Variants in GRIN2A observed in about 807,000 individuals in gnomAD.
The protein encoded by GRIN2A is glutamate receptor ionotropic, NMDA 2A.
In GRIN2A, 22 loss-of-function variants were observed where a neutral mutation model predicts 113.4. The ratio of observed to expected loss-of-function variants is 0.19; its 90% CI spans 0.14 to 0.28. The LOEUF (loss-of-function observed/expected upper bound fraction) is 0.28, where lower values mean the gene tolerates loss of function less well. GRIN2A is among the 10% of genes least tolerant of loss of function. GRIN2A has a pLI of 1.00. For synonymous variants in GRIN2A, 827 were observed against 738.4 expected (o/e 1.12, Z -1.94); for missense variants, 1,502 against 1,887.0 (o/e 0.80, Z 3.78).
chr16:9,976,931 A>C (rs1181948772), intron 2 of GRIN2A, among the ~76,000 whole-genome samples: 1 of 152,192 alleles, frequency 6.6e-6, no homozygotes, highest in African/African-American at 2.4e-5. Flanking sequence ...AGTTTTCTGC[A>C]TGTGTTCAGT....
intron 3 of GRIN2A, among the ~76,000 whole-genome samples, chr16:9,928,502 G>C (rs78230703): frequency 6.6e-6 from 1 of 152,036 alleles, no homozygotes; most frequent in East Asian, 1.9e-4. Flanking sequence ...ATCGTGTCCA[G>C]AATGAAACAA....
At chr16:10,071,308 G>A (rs2047745883) in intron 2 of GRIN2A, among the ~76,000 whole-genome samples, 1 of 152,158 alleles carries the variant, frequency 6.6e-6, no homozygotes, top group African/African-American at 2.4e-5. Flanking sequence ...CTAGAAGAAT[G>A]TGTCATTGTC....
At position 10,065,178 on chromosome 16, in the gene GRIN2A, G is replaced by A. The variant is rs532949565; in HGVS notation, c.414+114820C>T. The stretch of plus-strand genomic sequence containing the variant: ...TCTGTACTTTATTTTAAGGTACCTC[G>A]CCTGCCTGGCATCAGTTGGGAGAAT... On this transcript the variant is annotated intron_variant, in intron 2 of 12. Transcript: ENST00000330684. Among the ~76,000 whole-genome samples, 9 of 152,226 alleles carry A rather than the reference G, an allele frequency of 5.9e-5. No homozygotes were observed. In the South Asian group the frequency reaches 8.3e-4, roughly 14 times the overall value.
chr16:9,929,148 G>A (rs1489469395), intron 3 of GRIN2A, among the ~76,000 whole-genome samples: 1 of 152,180 alleles, frequency 6.6e-6, no homozygotes, highest in African/African-American at 2.4e-5. Flanking sequence ...GCCCTCCTGA[G>A]TCATCATTCT....
intron 3 of GRIN2A, among the ~76,000 whole-genome samples, chr16:9,902,803 A>G (rs879562212): frequency 7.9e-5 from 12 of 152,012 alleles, no homozygotes; most frequent in Non-Finnish European, 1.6e-4. Flanking sequence ...CTCTTAGTAT[A>G]TGCTGTTCCT....
At chr16:10,150,051 C>T (rs1454393975) in intron 2 of GRIN2A, among the ~76,000 whole-genome samples, 2 of 152,174 alleles carry the variant, frequency 1.3e-5, no homozygotes, top group Non-Finnish European at 2.9e-5. Context: ...ACAGCTGGAT[C>T]CATTACAGCT....
intron 2 of GRIN2A, among the ~76,000 whole-genome samples, chr16:10,163,362 G>A (rs2049844749): frequency 6.6e-6 from 1 of 152,176 alleles, no homozygotes. Flanking sequence ...TCTTCAAAAT[G>A]CTCTCAGCCC....
At chr16:10,117,165 C>T (rs557619274) in intron 2 of GRIN2A, among the ~76,000 whole-genome samples, 2 of 152,278 alleles carry the variant, frequency 1.3e-5, no homozygotes, top group East Asian at 1.9e-4. Flanking sequence ...TGTTCTGCTG[C>T]CACACAGTTG....
chr16:9,986,740 A>AGGC (rs1415533701), intron 2 of GRIN2A, among the ~76,000 whole-genome samples: 6 of 146,524 alleles, frequency 4.1e-5, no homozygotes, highest in Non-Finnish European at 6.0e-5. Context: ...ACTCCAACCC[A>AGGC]GGCAACAGTG....
chr16:9,899,085 G>A (rs1372836769), intron 3 of GRIN2A, among the ~76,000 whole-genome samples: 1 of 151,914 alleles, frequency 6.6e-6, no homozygotes, highest in Non-Finnish European at 1.5e-5. Context: ...ACTCATTGGT[G>A]GTTTCCTGTT....
chr16:9,994,870 G>T (rs1222516757), intron 2 of GRIN2A, among the ~76,000 whole-genome samples: 1 of 152,138 alleles, frequency 6.6e-6, no homozygotes, highest in Non-Finnish European at 1.5e-5. Context: ...TCTTGATGAT[G>T]GTGAATAAGC....
At chr16:9,882,186 G>C (rs944982651) in intron 4 of GRIN2A, among the ~76,000 whole-genome samples, 9 of 152,098 alleles carry the variant, frequency 5.9e-5, no homozygotes, top group Admixed American at 5.9e-4. Context: ...AGATGGCAAG[G>C]AGAGGGAGCT....
intron 2 of GRIN2A, among the ~76,000 whole-genome samples, chr16:9,953,900 A>T (rs973604372): frequency 2.0e-5 from 3 of 152,170 alleles, no homozygotes; most frequent in African/African-American, 4.8e-5. Context: ...AGGCAGAAGT[A>T]GTAAAGGGGA....
intron 2 of GRIN2A, among the ~76,000 whole-genome samples, chr16:10,156,061 G>A (rs1305187836): frequency 1.3e-5 from 2 of 152,200 alleles, no homozygotes; most frequent in Non-Finnish European, 2.9e-5. Flanking sequence ...CGATGAAAAG[G>A]GTGATCTAGC....
intron 7 of GRIN2A, among the ~76,000 whole-genome samples, chr16:9,834,434 T>G (rs1418508118): frequency 1.3e-5 from 2 of 152,178 alleles, no homozygotes; most frequent in African/African-American, 2.4e-5. Context: ...CAGGCTGGAG[T>G]GCAGTGGCAC....
At chr16:9,893,857 T>C (rs1169550269) in intron 3 of GRIN2A, among the ~76,000 whole-genome samples, 1 of 152,222 alleles carries the variant, frequency 6.6e-6, no homozygotes, top group African/African-American at 2.4e-5. Flanking sequence ...GCCTGGTATA[T>C]AGGTCAGGGC....
At chr16:9,807,650 T>C (rs2042009217) in intron 10 of GRIN2A, among the ~76,000 whole-genome samples, 1 of 152,152 alleles carries the variant, frequency 6.6e-6, no homozygotes, top group Admixed American at 6.5e-5. Context: ...CTCTTCATTT[T>C]TCAGATGAGG....
At chr16:9,985,406 A>G (rs1018157695) in intron 2 of GRIN2A, among the ~76,000 whole-genome samples, 1 of 152,238 alleles carries the variant, frequency 6.6e-6, no homozygotes, top group African/African-American at 2.4e-5. Flanking sequence ...TATTTGTTGC[A>G]GCACTACTCA....
At chr16:10,001,173 T>C (rs1331482303) in intron 2 of GRIN2A, among the ~76,000 whole-genome samples, 1 of 152,182 alleles carries the variant, frequency 6.6e-6, no homozygotes, top group African/African-American at 2.4e-5. Flanking sequence ...CAGGATGATC[T>C]TGTGGGTCTC....
Sources: allele counts gnomAD v4.1 joint callset (sites outside exome capture counted in the v4.1 genomes callset), GRCh38; gene constraint gnomAD v4.1.1; transcripts MANE v1.5; gene names NCBI Gene and HGNC (gene_info 2026-07-23, HGNC 2026-07-21).